The following SYNRG variants were observed in gnomAD, a reference collection of about 807,000 sequenced individuals.
SYNRG encodes AP1 gamma subunit binding protein 1.
A neutral mutation model predicts 130.9 loss-of-function variants in SYNRG; 37 were observed. The observed-to-expected ratio is 0.28, with a 90% CI of 0.22 to 0.37. SYNRG has a LOEUF of 0.37. Ranked by LOEUF, SYNRG falls within the 10% of genes least tolerant of loss-of-function variation. SYNRG has a pLI of 1.00. For missense variants in SYNRG, 1,338 were observed against 1,588.9 expected (o/e 0.84, Z 2.68); for synonymous variants, 539 against 568.1 (o/e 0.95, Z 0.73).
At chr17:37,596,828 ATC>A (rs2062819626) in intron 2 of SYNRG, among the ~76,000 whole-genome samples, 1 of 151,974 alleles carries the variant, frequency 6.6e-6, no homozygotes, top group Non-Finnish European at 1.5e-5. Flanking sequence ...CAGTGGCATG[ATC>A]TCAGCTCACT....
chr17:37,546,387 G>A (rs559360449), intron 14 of SYNRG, among the ~76,000 whole-genome samples: 1 of 152,324 alleles, frequency 6.6e-6, no homozygotes, highest in South Asian at 2.1e-4. Context: ...TTTGCACACA[G>A]ATAATATGCC....
chr17:37,590,904 G>C (rs1383003689), intron 3 of SYNRG, among the ~76,000 whole-genome samples: 2 of 152,124 alleles, frequency 1.3e-5, no homozygotes, highest in African/African-American at 4.8e-5. Flanking sequence ...CTGGGCGACA[G>C]AGTAGTATAA....
At position 37,581,274 on chromosome 17, in the gene SYNRG, C is replaced by CTATTAT. The variant is rs34565960; in HGVS notation, c.589+3368_589+3373dup. Reference sequence around the variant, plus strand: ...TTCTTCACATTTATTATTATTATTACTATTATTATTATTATTATTATGATA... The same window carrying CTATTAT: ...TTCTTCACATTTATTATTATTATTACTATTATTATTATTATTATTATTATTATGATA... On this transcript the variant is annotated intron_variant, in intron 6 of 21. Coordinates refer to ENST00000612223, the MANE Select transcript of SYNRG (RefSeq NM_007247.6). 2.9e-4 allele frequency among the ~76,000 whole-genome samples: 44 copies of CTATTAT among 149,568 alleles called. No individual in the cohort carries two copies. In the South Asian group the frequency reaches 4.9e-3, roughly 17 times the overall value.
intron 3 of SYNRG, among the ~76,000 whole-genome samples, chr17:37,592,858 T>C (rs972048135): frequency 2.6e-5 from 4 of 152,170 alleles, no homozygotes; most frequent in South Asian, 2.1e-4. Context: ...CCAATGTCCA[T>C]ATGCTGGTTG....
At position 37,571,916 on chromosome 17, in the gene SYNRG, G is replaced by A. The variant is rs781358091; in HGVS notation, c.973C>T (p.Leu325=). ...TCCCTGGGAAGCCCAGATGACATCA[G>A]AATGGGATACAGTTTGGCAGTATCT... ...GIDTAKLYPI[L]MSSGLPRETL... is the part of the protein sequence containing the mutation. Residue 325 remains leucine (L), a synonymous_variant, in exon 9 of 22, where the codon CTG becomes TTG. Transcript: ENST00000612223. 1.9e-6 allele frequency: 3 copies of A among 1,614,186 alleles called. No individual in the cohort carries two copies. Among genetic ancestry groups the A allele is most frequent in the South Asian group, 2.2e-5 (2 of 91,088 alleles).
chr17:37,528,026 A>G (rs1213582126), intron 19 of SYNRG, among the ~76,000 whole-genome samples: 1 of 152,220 alleles, frequency 6.6e-6, no homozygotes, highest in Non-Finnish European at 1.5e-5. Flanking sequence ...GGAAGAAATA[A>G]GTCATTTTCA....
In SYNRG at chr17:37,596,325, C is replaced by G. The variant is rs755194640; in HGVS notation, c.138G>C (p.Gln46His). 1.9e-6 allele frequency: 3 copies of G among 1,614,062 alleles called. No individual in the cohort carries two copies. The East Asian group carries it at 6.7e-5, about 36-fold the overall frequency. Reference protein sequence around the residue: ...RPPQAGLMPMQQQGFPMVSVM... With the variant: ...RPPQAGLMPMHQQGFPMVSVM... Reference sequence around the variant, plus strand: ...CAGAGACCATAGGAAATCCTTGTTGCTGCATCGGCATCAGGCCTGCTGAAA... The same window carrying G: ...CAGAGACCATAGGAAATCCTTGTTGGTGCATCGGCATCAGGCCTGCTGAAA... Residue 46 changes from glutamine (Q) to histidine (H), a missense_variant, in exon 3 of 22, where the codon CAG becomes CAC. By Grantham distance (24) the Gln-to-His change is conservative. Coordinates refer to ENST00000612223, the MANE Select transcript of SYNRG (RefSeq NM_007247.6).
intron 1 of SYNRG, among the ~76,000 whole-genome samples, chr17:37,607,985 A>G: frequency 7.0e-6 from 1 of 143,560 alleles, no homozygotes; most frequent in South Asian, 2.2e-4. Flanking sequence ...AAAAAACAAG[A>G]CAAAAGAAAA....
At chr17:37,609,242 G>A (rs2064168953) in intron 1 of SYNRG, 37 bp downstream of exon 1, 1 of 1,398,948 alleles carries the variant, frequency 7.1e-7, no homozygotes. Context: ...CGCCCCCGCG[G>A]AGGCCAGCGG....
intron 10 of SYNRG, among the ~76,000 whole-genome samples, chr17:37,569,809 CCA>C (rs1210468625): frequency 6.6e-6 from 1 of 151,890 alleles, no homozygotes; most frequent in Non-Finnish European, 1.5e-5. Context: ...ACTCCTAATC[CCA>C]CACTCCAGAA....
Position 37,542,254 on chromosome 17 carries a change from T to C in SYNRG, c.2920A>G (p.Thr974Ala), listed in dbSNP as rs1432124645. Residue 974 changes from threonine (T) to alanine (A), a missense_variant, in exon 15 of 22, where the codon ACC (threonine) becomes GCC (alanine). By Grantham distance (58) the Thr-to-Ala change is moderately conservative. This residue lies in a region of SYNRG where 1,146 missense variants were observed against 1,342.3 expected (regional missense o/e 0.85). Coordinates refer to ENST00000612223, the MANE Select transcript of SYNRG (RefSeq NM_007247.6). ...TTTTCATATTCCTTTTGCTCACTGG[T>C]CTGAGGAATCGTGTCTTTAAAACTG... Reference protein sequence around the residue: ...LASFKDTIPQTSEQKEYENRD... With the variant: ...LASFKDTIPQASEQKEYENRD... The C allele has an allele frequency of 6.2e-7, 1 of 1,614,206 alleles. No individual in the cohort carries two copies. Among genetic ancestry groups the C allele is most frequent in the Non-Finnish European group, 8.5e-7 (1 of 1,180,040 alleles).
At chr17:37,532,810 G>T (rs551732039) in intron 19 of SYNRG, among the ~76,000 whole-genome samples, 145 of 151,896 alleles carry the variant, frequency 9.5e-4, no homozygotes, top group African/African-American at 3.4e-3. Context: ...TGGGATGTTG[G>T]TATATTTCTC....
At chr17:37,520,692 A>AGGCCGGGCGCGGTGGCT (rs760289162) in intron 19 of SYNRG, 44 bp from the exon 20 acceptor site, 1 of 1,536,774 alleles carries the variant, frequency 6.5e-7, no homozygotes, top group Non-Finnish European at 9.0e-7. Flanking sequence ...CCACAAGTCC[A>AGGCCGGGCGCGGTGGCT]CACGCTGTTC....
At chr17:37,523,828 G>A (rs1349302527) in intron 19 of SYNRG, among the ~76,000 whole-genome samples, 1 of 152,188 alleles carries the variant, frequency 6.6e-6, no homozygotes, top group Non-Finnish European at 1.5e-5. Flanking sequence ...AGTGAGGAGG[G>A]ATGCCCCATG....
chr17:37,540,634 T>TA, intron 15 of SYNRG, 91 bp from the exon 16 acceptor site: 1 of 1,107,238 alleles, frequency 9.0e-7, no homozygotes, highest in Non-Finnish European at 1.2e-6. Context: ...CCTCTTCTTT[T>TA]TTTTTTTTTT....
intron 14 of SYNRG, among the ~76,000 whole-genome samples, chr17:37,548,877 G>C: frequency 6.7e-6 from 1 of 148,944 alleles, no homozygotes; most frequent in East Asian, 2.0e-4. Flanking sequence ...GCTCATGCCT[G>C]TAATCCCAGC....
At chr17:37,584,494 C>T (rs1255003497) in intron 6 of SYNRG, 154 bp downstream of exon 6, 2 of 565,736 alleles carry the variant, frequency 3.5e-6, no homozygotes, top group Non-Finnish European at 3.2e-6. Flanking sequence ...GCTCTTAAGC[C>T]ACTGTATATT....
chr17:37,540,007 G>T (rs920210113), intron 16 of SYNRG, among the ~76,000 whole-genome samples: 1 of 152,142 alleles, frequency 6.6e-6, no homozygotes, highest in Non-Finnish European at 1.5e-5. Flanking sequence ...AACATAGCGT[G>T]GCACTAAGAT....
At chr17:37,586,605 CA>C in intron 3 of SYNRG, 56 bp from the exon 4 acceptor site, 1 of 1,585,074 alleles carries the variant, frequency 6.3e-7, no homozygotes, top group Non-Finnish European at 8.6e-7. Flanking sequence ...AATTATCACA[CA>C]CAAAAATGTG....
Sources: gnomAD v4.1 joint callset for allele counts (sites outside exome capture counted in the v4.1 genomes callset) on GRCh38, gnomAD v4.1.1 for gene constraint, gnomAD v4.1.1 regional missense constraint, MANE v1.5 for transcripts, NCBI Gene and HGNC (gene_info 2026-07-23, HGNC 2026-07-21) for gene names.